The following B3GNT5 variants were observed in gnomAD, a reference collection of about 807,000 sequenced individuals.
The protein encoded by B3GNT5 is lactosylceramide 1,3-N-acetyl-beta-D-glucosaminyltransferase.
B3GNT5 carries 11 observed loss-of-function variants against 25.9 expected under a neutral mutation model. That is an observed-to-expected ratio of 0.42 (90% CI 0.27 to 0.70). The LOEUF is 0.70. Ranked by LOEUF, B3GNT5 falls within the 30% of genes least tolerant of loss-of-function variation. B3GNT5 has a pLI of 0.23. For missense variants in B3GNT5, 385 were observed against 458.4 expected (o/e 0.84, Z 1.46); for synonymous variants, 166 against 158.6 (o/e 1.05, Z -0.35).
rs774807011 is a variant in B3GNT5, at chr3:183,270,384, A to G, written c.586A>G (p.Ile196Val). 1.9e-6 allele frequency: 3 copies of G among 1,614,234 alleles called. No individual in the cohort carries two copies. Among genetic ancestry groups the G allele is most frequent in the Admixed American group, 1.7e-5 (1 of 60,026 alleles). The stretch of plus-strand genomic sequence containing the variant: ...ATTTCTTATGACTGCTGATGATGAC[A>G]TATTTATTCACATGCCAAATCTGAT... ...AKFLMTADDDIFIHMPNLIEY... is the reference protein window; with the variant it reads ...AKFLMTADDDVFIHMPNLIEY... The change falls in exon 2 of 2, where the codon ATA (isoleucine) becomes GTA (valine). Residue 196 changes from isoleucine (I) to valine (V), a missense_variant. Physicochemically the swap from Ile to Val is conservative, Grantham distance 29 (BLOSUM62 3). Transcript: ENST00000326505. The surrounding 1 kb of genome is among the most constrained non-coding windows in gnomAD (Gnocchi z 4.5).
chr3:183,266,376 C>T (rs1340640644), intron 1 of B3GNT5, among the ~76,000 whole-genome samples: 9 of 152,186 alleles, frequency 5.9e-5, no homozygotes, highest in Admixed American at 5.9e-4. Flanking sequence ...TGTTCCCTTC[C>T]CAGGGTCAAT....
At chr3:183,258,025 T>A (rs1725220662) in intron 1 of B3GNT5, among the ~76,000 whole-genome samples, 1 of 121,030 alleles carries the variant, frequency 8.3e-6, no homozygotes, top group Non-Finnish European at 1.6e-5. Context: ...TGGAGTGCAA[T>A]GGTGCCATCT....
chr3:183,254,987 G>A (rs970176028), intron 1 of B3GNT5, among the ~76,000 whole-genome samples: 1 of 152,206 alleles, frequency 6.6e-6, no homozygotes, highest in Non-Finnish European at 1.5e-5. Flanking sequence ...ATTCTTGGCC[G>A]GTGTTGGTTT....
chr3:183,265,580 T>C (rs1726026396), intron 1 of B3GNT5: 2 of 152,286 alleles, frequency 1.3e-5, no homozygotes. Context: ...GACTTGTAAT[T>C]GATCAATTTA....
At position 183,270,885 on chromosome 3, in the gene B3GNT5, T is replaced by TG; in HGVS notation, c.1088dup (p.Cys363TrpfsTer2). On this transcript the variant is annotated frameshift_variant, in exon 2 of 2. Coordinates refer to ENST00000326505, the MANE Select transcript of B3GNT5 (RefSeq NM_032047.5). LOFTEE classifies it high-confidence loss of function. This position sits in a 1 kb window ranked among gnomAD's most constrained non-coding sequence, Gnocchi z 4.5. Reference sequence around the variant, plus strand: ...CAGATTAATGAAGATAATTCTCCTTTGTAAAATTAGCTATGTGGACACATA... The same window carrying TG: ...CAGATTAATGAAGATAATTCTCCTTTGGTAAAATTAGCTATGTGGACACATA... 2 of 1,607,850 alleles carry TG rather than the reference T, an allele frequency of 1.2e-6. No homozygotes were observed. The highest frequency in any genetic ancestry group is 1.7e-6 in the Non-Finnish European group (2 of 1,177,934).
Position 183,273,136 on chromosome 3 carries a change from CT to C in B3GNT5, c.*2206del. On this transcript the variant is annotated 3_prime_UTR_variant, in exon 2 of 2. Transcript: ENST00000326505. ...TTTTGGTGCTCCAGTGTAGGGCTAT[CT>C]TTTTAAAAAATGTCAACAAAGGGAA... is the stretch of plus-strand genomic sequence containing the variant. 2.8e-6 allele frequency: 2 copies of C among 722,968 alleles called. No homozygotes were observed. The highest frequency in any genetic ancestry group is 3.7e-5 in the African/African-American group (2 of 53,682). The allele number at this position is 722,968 out of a possible 1,614,324, so 44.8% of individuals were successfully genotyped here.
In B3GNT5 at chr3:183,273,274, T is replaced by C. The variant is rs994726851; in HGVS notation, c.*2339T>C. ...TTGCATCTTTTTTCCATATTGTTAA[T>C]TTTATACCAAAATGTTAAATATTTG... On this transcript the variant is annotated 3_prime_UTR_variant, in exon 2 of 2. Coordinates refer to ENST00000326505, the MANE Select transcript of B3GNT5 (RefSeq NM_032047.5). 2.9e-6 allele frequency: 1 copy of C among 343,848 alleles called. No individual in the cohort carries two copies. Among genetic ancestry groups the C allele is most frequent in the East Asian group, 4.5e-5 (1 of 22,250 alleles). The allele number at this position is 343,848 out of a possible 1,614,324, so 21.3% of individuals were successfully genotyped here. A position where few individuals can be genotyped will look rare whatever the true frequency, so the allele number is the denominator to read the frequency against.
chr3:183,256,781 A>T (rs1024578322), intron 1 of B3GNT5, among the ~76,000 whole-genome samples: 3 of 152,204 alleles, frequency 2.0e-5, no homozygotes, highest in Non-Finnish European at 4.4e-5. Context: ...AGAGGACCAT[A>T]TAATCTTATA....
At position 183,266,925 on chromosome 3, in the gene B3GNT5, T is replaced by TA. The variant is rs767343369; in HGVS notation, c.-301-2572dup. Reference sequence around the variant, plus strand: ...CCTCAGCCTCCCAAGAAGCTGGAATTACAGGTGTGCACCACCACACCCGGC... The same window carrying TA: ...CCTCAGCCTCCCAAGAAGCTGGAATTAACAGGTGTGCACCACCACACCCGGC... On this transcript the variant is annotated intron_variant, in intron 1 of 1. Transcript: ENST00000326505. Among the ~76,000 whole-genome samples, 95 of 152,110 alleles carry TA rather than the reference T, an allele frequency of 6.2e-4. 1 individual carries two copies. Among genetic ancestry groups the TA allele is most frequent in the Admixed American group, 2.6e-4 (4 of 15,270 alleles).
intron 1 of B3GNT5, among the ~76,000 whole-genome samples, chr3:183,264,362 T>C (rs964865444): frequency 3.3e-5 from 5 of 152,268 alleles, no homozygotes; most frequent in African/African-American, 1.2e-4. Flanking sequence ...ACTTCCCTCT[T>C]GTGCCTGGGG....
chr3:183,257,958 CTTTTTTTT>C (rs35323502), intron 1 of B3GNT5, among the ~76,000 whole-genome samples: 6 of 64,738 alleles, frequency 9.3e-5, no homozygotes, highest in African/African-American at 3.5e-4. Context: ...CCACTTCACC[CTTTTTTTT>C]TTTTTTTTTT....
intron 1 of B3GNT5, among the ~76,000 whole-genome samples, chr3:183,259,432 A>G (rs1466284998): frequency 1.3e-5 from 2 of 152,154 alleles, no homozygotes; most frequent in Non-Finnish European, 2.9e-5. Flanking sequence ...TTTTTTATTC[A>G]TCTACCTTAT....
chr3:183,254,117 G>T (rs1053243567), intron 1 of B3GNT5: 2 of 151,746 alleles, frequency 1.3e-5, no homozygotes, highest in African/African-American at 4.8e-5. Context: ...CGCGGTCTCC[G>T]GCGCGGGAGG....
intron 1 of B3GNT5, among the ~76,000 whole-genome samples, chr3:183,261,047 TA>T (rs1251389218): frequency 6.6e-6 from 1 of 152,250 alleles, no homozygotes; most frequent in African/African-American, 2.4e-5. Flanking sequence ...GTTGCAAAGA[TA>T]TCTAATGTTT....
Position 183,270,227 on chromosome 3 carries a change from A to C in B3GNT5, c.429A>C (p.Gln143His). The change falls in exon 2 of 2, where the codon CAA becomes CAC. Residue 143 changes from glutamine to histidine, a missense_variant. Coordinates refer to ENST00000326505, the MANE Select transcript of B3GNT5 (RefSeq NM_032047.5). The surrounding 1 kb of genome is among the most constrained non-coding windows in gnomAD (Gnocchi z 4.5). ...TPNPLEGEEL[Q>H]RKLAWEDQRY... ...ATCCACTGGAGGGAGAAGAACTACA[A>C]AGAAAACTGGCTTGGGAAGATCAAA... 1 of 1,614,186 alleles carries C rather than the reference A, an allele frequency of 6.2e-7. No homozygotes were observed. Among genetic ancestry groups the C allele is most frequent in the Non-Finnish European group, 8.5e-7 (1 of 1,180,018 alleles).
chr3:183,264,241 T>G (rs188322202), intron 1 of B3GNT5, among the ~76,000 whole-genome samples: 14 of 152,312 alleles, frequency 9.2e-5, no homozygotes, highest in Non-Finnish European at 1.6e-4. Context: ...AGTTCTTGTC[T>G]AAAACAAAGA....
In B3GNT5 at chr3:183,253,388, C is replaced by T. The variant is rs1450845467; in HGVS notation, c.-386C>T. On this transcript the variant is annotated 5_prime_UTR_variant, in exon 1 of 2. Coordinates refer to ENST00000326505, the MANE Select transcript of B3GNT5 (RefSeq NM_032047.5). ...GCTCCGATGCGGGAAGGAAAGCCGA[C>T]CTCCGATTTGGACATTTAAAGAGCT... 6.6e-6 allele frequency: 1 copy of T among 152,230 alleles called. No homozygotes were observed. The highest frequency in any genetic ancestry group is 1.5e-5 in the Non-Finnish European group (1 of 68,048). The allele number at this position is 152,230 out of a possible 1,614,324, so 9.4% of individuals were successfully genotyped here.
At chr3:183,264,287 G>A (rs73184918) in intron 1 of B3GNT5, among the ~76,000 whole-genome samples, 3,676 of 152,160 alleles carry the variant, frequency 0.024, 73 homozygotes, top group Non-Finnish European at 0.043. Flanking sequence ...AATCCTAGTC[G>A]TCCTCAGGCC....
At chr3:183,263,699 T>C (rs1342345283) in intron 1 of B3GNT5, among the ~76,000 whole-genome samples, 4 of 152,214 alleles carry the variant, frequency 2.6e-5, no homozygotes, top group Admixed American at 2.6e-4. Flanking sequence ...CCTGGACATC[T>C]GTACCTTCTT....
Sources: gnomAD v4.1 joint callset for allele counts (sites outside exome capture counted in the v4.1 genomes callset) on GRCh38, gnomAD v4.1.1 for gene constraint, Gnocchi (gnomAD v3.1) non-coding constraint, MANE v1.5 for transcripts, NCBI Gene and HGNC (gene_info 2026-07-23, HGNC 2026-07-21) for gene names.